The following APBB2 variants were observed in gnomAD, a reference collection of about 807,000 sequenced individuals.
The protein encoded by APBB2 is amyloid beta precursor protein binding family B member 2, also known as Fe65-like 1.
Under a neutral mutation model 82.5 loss-of-function variants are expected in APBB2, and 38 were observed. That is an observed-to-expected ratio of 0.46 (90% confidence interval 0.36 to 0.60). APBB2 has a LOEUF of 0.60. APBB2 is among the 20% of genes least tolerant of loss of function. APBB2 has a pLI of 0.00. For synonymous variants in APBB2, 341 were observed against 368.2 expected (o/e 0.93, Z 0.85); for missense variants, 772 against 972.3 (o/e 0.79, Z 2.74).
rs547856778 is a variant in APBB2 at position 41,024,565 on chromosome 4, C to G, written c.19+8671G>C. 8.4e-4 allele frequency among the ~76,000 whole-genome samples: 128 copies of G among 152,320 alleles called. 1 individual carries two copies. The South Asian group carries it at 0.021, about 25-fold the overall frequency. On this transcript the variant is annotated intron_variant, in intron 5 of 17. Transcript: ENST00000508593. ...GGCAGTAGCAGGCAAAGCCTGGACCCAGGTGAAGTCTCAATAATATTATCT... is the reference window on the plus strand; with the variant it reads ...GGCAGTAGCAGGCAAAGCCTGGACCGAGGTGAAGTCTCAATAATATTATCT...
In APBB2 at chr4:40,825,868, CAATAAA is replaced by C. The variant is rs775891644; in HGVS notation, c.1816+13_1816+18del. 172 of 1,609,252 alleles carry C rather than the reference CAATAAA, an allele frequency of 1.1e-4. No individual in the cohort carries two copies. Among genetic ancestry groups the C allele is most frequent in the Non-Finnish European group, 9.0e-5 (106 of 1,175,716 alleles). On this transcript the variant is annotated intron_variant, in intron 15 of 17. Transcript: ENST00000508593. Reference sequence around the variant, plus strand: ...CCCGCACACTTGCAAAGTGGAAAGACAATAAACATTTCACATACCGACTGGTTTGTC... The same window carrying C: ...CCCGCACACTTGCAAAGTGGAAAGACCATTTCACATACCGACTGGTTTGTC...
rs182316769 is a variant in APBB2, at chr4:40,823,504, A to C, written c.1932+140T>G. 352 of 636,318 alleles carry C rather than the reference A, an allele frequency of 5.5e-4. 1 individual carries two copies. In the African/African-American group the frequency reaches 5.6e-3, roughly 10 times the overall value. The allele number at this position is 636,318 out of a possible 1,614,324, so 39.4% of individuals were successfully genotyped here. A position where few individuals can be genotyped will look rare whatever the true frequency, so the allele number is the denominator to read the frequency against. ...CAGATTTAGACCCAGACAAAGGGCC[A>C]AATCTTTCAAATGTAGGCCATCTTA... On this transcript the variant is annotated intron_variant, in intron 16 of 17. Transcript: ENST00000508593.
rs1026874028 is a variant in APBB2 at position 40,899,147 on chromosome 4, A to C, written c.1255-5736T>G. Among the ~76,000 whole-genome samples the C allele has an allele frequency of 5.9e-5, 9 of 152,348 alleles. No homozygotes were observed. In the East Asian group the frequency reaches 1.5e-3, roughly 26 times the overall value. On this transcript the variant is annotated intron_variant, in intron 10 of 17. Coordinates refer to ENST00000508593, the MANE Select transcript of APBB2 (RefSeq NM_004307.2). ...AGTTAGTTAACCTGTCTGTGTCTCAATGTCCTCGTTATAAAATGTGGGTAC... is the reference window on the plus strand; with the variant it reads ...AGTTAGTTAACCTGTCTGTGTCTCACTGTCCTCGTTATAAAATGTGGGTAC...
At chr4:41,159,246 CTT>C (rs1036608835) in intron 1 of APBB2, among the ~76,000 whole-genome samples, 3 of 152,104 alleles carry the variant, frequency 2.0e-5, no homozygotes, top group African/African-American at 7.2e-5. Flanking sequence ...CTCTCTTTTT[CTT>C]TCTCTCTCTC....
intron 3 of APBB2, among the ~76,000 whole-genome samples, chr4:41,085,911 T>C (rs1353199732): frequency 6.0e-5 from 9 of 150,178 alleles, no homozygotes; most frequent in Admixed American, 6.0e-4. Flanking sequence ...AACCAAGAGG[T>C]GGTTCTTTGA....
Position 40,830,470 on chromosome 4 carries a change from C to G in APBB2, c.1637G>C (p.Cys546Ser). ...KAIATSLHEI[C>S]SKIMAERKNA... The stretch of plus-strand genomic sequence containing the variant: ...TGCCCTGACCCACCTTACCTTGGAG[C>G]AGATCTCGTGGAGACTTGTGGCAAT... Residue 546 changes from cysteine (C) to serine (S), a missense_variant, in exon 13 of 18, where the codon TGC (cysteine) becomes TCC (serine). By Grantham distance (112) the Cys-to-Ser change is moderately radical (BLOSUM62 -1). Coordinates refer to ENST00000508593, the MANE Select transcript of APBB2 (RefSeq NM_004307.2). 1 of 1,613,032 alleles carries G rather than the reference C, an allele frequency of 6.2e-7. No individual in the cohort carries two copies. The highest frequency in any genetic ancestry group is 1.1e-5 in the South Asian group (1 of 91,052).
rs1553875174 is a variant in APBB2, at chr4:40,946,254, A to AAAAAAAAAAAAAAAAAAAAAAAC, written c.836-1182_836-1181insGTTTTTTTTTTTTTTTTTTTTTT. Among the ~76,000 whole-genome samples the AAAAAAAAAAAAAAAAAAAAAAAC allele has an allele frequency of 4.9e-4, 56 of 114,590 alleles. 4 individuals are homozygous for AAAAAAAAAAAAAAAAAAAAAAAC. Among genetic ancestry groups the AAAAAAAAAAAAAAAAAAAAAAAC allele is most frequent in the Non-Finnish European group, 7.4e-4 (40 of 54,038 alleles). The allele number at this position is 114,590 out of a possible 152,430, so 75.2% of individuals were successfully genotyped here. A position where few individuals can be genotyped will look rare whatever the true frequency, so the allele number is the denominator to read the frequency against. The stretch of plus-strand genomic sequence containing the variant: ...CTCCAAAAAAAAAAAAAAAAAAAAA[A>AAAAAAAAAAAAAAAAAAAAAAAC]CATTCCCAAGGAAAGCAGATTGGAA... On this transcript the variant is annotated intron_variant, in intron 6 of 17. Transcript: ENST00000508593.
chr4:40,870,709 ATG>A (rs200215186), intron 12 of APBB2, among the ~76,000 whole-genome samples: 16 of 150,056 alleles, frequency 1.1e-4, no homozygotes, highest in Admixed American at 3.3e-4. Context: ...ATATACATAT[ATG>A]TGTGTGTGTG....
At chr4:40,836,670 G>A (rs1385926986) in intron 12 of APBB2, among the ~76,000 whole-genome samples, 2 of 152,134 alleles carry the variant, frequency 1.3e-5, no homozygotes, top group Non-Finnish European at 2.9e-5. Context: ...GGGGGTTGAG[G>A]GAAAGGGGTA....
At chr4:41,149,367 A>T (rs952873814) in intron 1 of APBB2, among the ~76,000 whole-genome samples, 67 of 134,688 alleles carry the variant, frequency 5.0e-4, no homozygotes, top group African/African-American at 1.1e-3. Flanking sequence ...TTTCTTTTTT[A>T]AAAAAAATTT....
At chr4:41,068,371 T>C (rs1732651924) in intron 3 of APBB2, among the ~76,000 whole-genome samples, 1 of 152,162 alleles carries the variant, frequency 6.6e-6, no homozygotes, top group African/African-American at 2.4e-5. Flanking sequence ...ACAGGAAAGA[T>C]AAATCTGGCT....
intron 2 of APBB2, among the ~76,000 whole-genome samples, chr4:41,114,931 C>G (rs1369387127): frequency 6.6e-6 from 1 of 152,204 alleles, no homozygotes; most frequent in East Asian, 1.9e-4. Flanking sequence ...CTATCCCCAT[C>G]AAGCTACCAT....
intron 1 of APBB2, among the ~76,000 whole-genome samples, chr4:41,149,188 C>T (rs1761561759): frequency 1.3e-5 from 2 of 151,918 alleles, no homozygotes; most frequent in African/African-American, 4.8e-5. Context: ...GAAAAAAGAA[C>T]ACATGCTGAA....
At chr4:41,037,044 A>C (rs950922221) in intron 4 of APBB2, among the ~76,000 whole-genome samples, 1 of 152,230 alleles carries the variant, frequency 6.6e-6, no homozygotes, top group Non-Finnish European at 1.5e-5. Context: ...TTGAATACTT[A>C]AAAGGTAGCG....
chr4:40,864,181 A>G (rs1763487228), intron 12 of APBB2, among the ~76,000 whole-genome samples: 1 of 151,956 alleles, frequency 6.6e-6, no homozygotes, highest in African/African-American at 2.4e-5. Context: ...TTGAACCGGG[A>G]AGGTAGAGGT....
chr4:41,033,634 C>T (rs1717967306), intron 4 of APBB2, among the ~76,000 whole-genome samples: 1 of 131,380 alleles, frequency 7.6e-6, no homozygotes, highest in African/African-American at 2.8e-5. Flanking sequence ...TTCAGCACCA[C>T]TACAGAAAAA....
At chr4:40,864,125 C>T (rs916834725) in intron 12 of APBB2, among the ~76,000 whole-genome samples, 4 of 151,540 alleles carry the variant, frequency 2.6e-5, no homozygotes, top group African/African-American at 9.7e-5. Context: ...GGTGTGGTGG[C>T]GCCGAGTAAT....
chr4:40,829,331 G>A (rs1426921934), intron 13 of APBB2, among the ~76,000 whole-genome samples: 1 of 152,154 alleles, frequency 6.6e-6, no homozygotes, highest in African/African-American at 2.4e-5. Context: ...GTTAGGGACT[G>A]GAATAGCCAT....
chr4:41,175,464 A>G (rs867594518), intron 1 of APBB2, among the ~76,000 whole-genome samples: 1 of 152,298 alleles, frequency 6.6e-6, no homozygotes, highest in African/African-American at 2.4e-5. Context: ...TTTTTTAAGT[A>G]AAAGTACAGG....
Sources: allele counts gnomAD v4.1 joint callset (sites outside exome capture counted in the v4.1 genomes callset), GRCh38; gene constraint gnomAD v4.1.1; transcripts MANE v1.5; gene names NCBI Gene and HGNC (gene_info 2026-07-23, HGNC 2026-07-21).